ST3GAL3: variants seen among roughly 807,000 people sequenced by gnomAD.
ST3GAL3 encodes CMP-N-acetylneuraminate-beta-1,4-galactoside alpha-2,3-sialyltransferase.
A neutral mutation model predicts 50.1 loss-of-function variants in ST3GAL3; 21 were observed. That is an observed-to-expected ratio of 0.42 (90% CI 0.30 to 0.60). The LOEUF (loss-of-function observed/expected upper bound fraction) is 0.60, where lower values mean the gene tolerates loss of function less well. ST3GAL3 is among the 20% of genes least tolerant of loss of function. The pLI is 0.19. For missense variants in ST3GAL3, 353 were observed against 489.4 expected (o/e 0.72, Z 2.63); for synonymous variants, 183 against 190.0 (o/e 0.96, Z 0.30).
chr1:43,928,050 C>T (rs2084325736), intron 11 of ST3GAL3, among the ~76,000 whole-genome samples: 1 of 152,220 alleles, frequency 6.6e-6, no homozygotes, highest in African/African-American at 2.4e-5. Context: ...TGGCTGATGA[C>T]TACCTGAGTT....
chr1:43,858,527 G>A (rs771484265), intron 5 of ST3GAL3, among the ~76,000 whole-genome samples: 5 of 152,210 alleles, frequency 3.3e-5, no homozygotes, highest in African/African-American at 9.6e-5. Flanking sequence ...AGATCCCCAC[G>A]TGGGGAGTTC....
chr1:43,799,202 A>G (rs535395239), intron 3 of ST3GAL3, among the ~76,000 whole-genome samples: 2 of 152,350 alleles, frequency 1.3e-5, no homozygotes, highest in Admixed American at 1.3e-4. Flanking sequence ...TAGGGGTTTC[A>G]AATGGTTCTT....
intron 3 of ST3GAL3, among the ~76,000 whole-genome samples, chr1:43,809,478 G>T (rs564866787): frequency 2.6e-5 from 4 of 152,186 alleles, no homozygotes; most frequent in Admixed American, 2.0e-4. Flanking sequence ...GAGGAAGGAG[G>T]ATAGCTTGAG....
At chr1:43,781,761 C>A (rs1053695820) in intron 2 of ST3GAL3, among the ~76,000 whole-genome samples, 1 of 152,186 alleles carries the variant, frequency 6.6e-6, no homozygotes, top group African/African-American at 2.4e-5. Flanking sequence ...CAACTGAAAT[C>A]TCCTATTTCA....
intron 5 of ST3GAL3, among the ~76,000 whole-genome samples, chr1:43,879,822 C>T (rs1041117890): frequency 6.6e-6 from 1 of 152,206 alleles, no homozygotes; most frequent in African/African-American, 2.4e-5. Flanking sequence ...CACTGGTATT[C>T]TCACCACTGC....
At chr1:43,898,459 C>T in intron 7 of ST3GAL3, 161 bp downstream of exon 7, 1 of 740,622 alleles carries the variant, frequency 1.4e-6, no homozygotes, top group Admixed American at 2.0e-5. Flanking sequence ...TAAGTGGAAC[C>T]ACTCCACCTG....
intron 4 of ST3GAL3, among the ~76,000 whole-genome samples, chr1:43,816,510 A>G (rs2061266254): frequency 6.6e-6 from 1 of 152,242 alleles, no homozygotes; most frequent in South Asian, 2.1e-4. Context: ...TACTCTGGAA[A>G]AAAACAAATC....
intron 5 of ST3GAL3, among the ~76,000 whole-genome samples, chr1:43,885,384 TCTCACGCA>T (rs1286451790): frequency 6.6e-6 from 1 of 152,176 alleles, no homozygotes; most frequent in Non-Finnish European, 1.5e-5. Context: ...CCCGGGTCCT[TCTCACGCA>T]CTCACACACA....
chr1:43,794,180 G>C (rs1026934621), intron 3 of ST3GAL3, among the ~76,000 whole-genome samples: 1 of 151,892 alleles, frequency 6.6e-6, no homozygotes, highest in African/African-American at 2.4e-5. Context: ...TCAACAAAAG[G>C]CTTGTTTCCA....
At chr1:43,881,111 A>G (rs2075049109) in intron 5 of ST3GAL3, among the ~76,000 whole-genome samples, 1 of 152,024 alleles carries the variant, frequency 6.6e-6, no homozygotes, top group Admixed American at 6.6e-5. Flanking sequence ...CCCGGGTTCA[A>G]GTGATTCTCC....
chr1:43,736,648 A>G, intron 2 of ST3GAL3: 3 of 552,268 alleles, frequency 5.4e-6, no homozygotes, highest in South Asian at 3.9e-5. Flanking sequence ...AACCCAAACT[A>G]TACTCATACT....
chr1:43,784,676 T>C (rs1345902416), intron 2 of ST3GAL3, among the ~76,000 whole-genome samples: 1 of 152,212 alleles, frequency 6.6e-6, no homozygotes, highest in Non-Finnish European at 1.5e-5. Flanking sequence ...TAGTAAGAAC[T>C]CTGTATATGT....
At chr1:43,849,740 C>T (rs893449390) in intron 5 of ST3GAL3, among the ~76,000 whole-genome samples, 1 of 152,156 alleles carries the variant, frequency 6.6e-6, no homozygotes, top group African/African-American at 2.4e-5. Context: ...CTACTGACAG[C>T]AAAACCCTCC....
At chr1:43,917,497 TAA>T (rs2082080950) in intron 9 of ST3GAL3, among the ~76,000 whole-genome samples, 2 of 71,228 alleles carry the variant, frequency 2.8e-5, no homozygotes, top group Admixed American at 2.8e-4. Flanking sequence ...ATAATATATA[TAA>T]TATATTATAT....
intron 5 of ST3GAL3, chr1:43,842,233 C>T (rs1004263063): frequency 5.9e-5 from 9 of 152,124 alleles, no homozygotes; most frequent in Non-Finnish European, 1.3e-4. Context: ...TCTTGTGAGC[C>T]CTCCAAACTC....
chr1:43,901,279 G>C (rs1313520492), intron 9 of ST3GAL3, among the ~76,000 whole-genome samples: 1 of 152,240 alleles, frequency 6.6e-6, no homozygotes, highest in Non-Finnish European at 1.5e-5. Context: ...CTCAGGGCAA[G>C]AGCTCCTAAG....
chr1:43,859,945 C>T (rs2069498260), intron 5 of ST3GAL3, among the ~76,000 whole-genome samples: 1 of 152,226 alleles, frequency 6.6e-6, no homozygotes, highest in South Asian at 2.1e-4. Context: ...ACTCTGCCAG[C>T]TATATGTTCA....
At chr1:43,921,916 C>T (rs1418255137) in intron 11 of ST3GAL3, 2 of 397,328 alleles carry the variant, frequency 5.0e-6, no homozygotes, top group Non-Finnish European at 8.9e-6. Flanking sequence ...CCAGTGGACA[C>T]AACGTCATCT....
chr1:43,921,469 C>A (rs2083032869), intron 11 of ST3GAL3: 3 of 404,370 alleles, frequency 7.4e-6, no homozygotes, highest in Non-Finnish European at 1.3e-5. Context: ...AAAATCTGAA[C>A]CCTTCTGAAC....
Sources: gnomAD v4.1 joint callset for allele counts (sites outside exome capture counted in the v4.1 genomes callset) on GRCh38, gnomAD v4.1.1 for gene constraint, MANE v1.5 for transcripts, NCBI Gene and HGNC (gene_info 2026-07-23, HGNC 2026-07-21) for gene names.